Variants in BSG observed in about 807,000 individuals in gnomAD.
BSG encodes basigin (Ok blood group).
A neutral mutation model predicts 43.1 loss-of-function variants in BSG; 37 were observed. The ratio of observed to expected loss-of-function variants is 0.86; its 90% confidence interval spans 0.66 to 1.13. The LOEUF (loss-of-function observed/expected upper bound fraction) is 1.13. Ranked by LOEUF, BSG falls within the 50% of genes most tolerant of loss-of-function variation. The probability of loss-of-function intolerance (pLI) is 0.00; values close to 1 mark genes in which losing one functional copy is unlikely to be tolerated. For synonymous variants in BSG, 309 were observed against 238.7 expected, an observed-to-expected ratio of 1.29 and a Z score of -2.72; for missense variants, 599 against 554.2, an observed-to-expected ratio of 1.08 and a Z score of -0.81.
rs377178925 is a variant in BSG, at chr19:578,070, G to C, written c.364G>C (p.Ala122Pro). ...NDPDRNHLTR[A>P]PRVKWVRAQA... ...CCCGGATCGCAACCACCTGACCCGG[G>C]CGCCCAGGGTCAAGTGGGTCCGCGC... is the stretch of plus-strand genomic sequence containing the variant. Residue 122 changes from alanine to proline, a missense_variant, in exon 2 of 9, where the codon GCG becomes CCG. Physicochemically the swap from Ala to Pro is conservative, Grantham distance 27. Coordinates refer to ENST00000333511, the MANE Select transcript of BSG (RefSeq NM_001728.4). 2 of 1,607,912 alleles carry C rather than the reference G, an allele frequency of 1.2e-6. No individual in the cohort carries two copies. Among genetic ancestry groups the C allele is most frequent in the South Asian group, 2.2e-5 (2 of 90,646 alleles).
intron 1 of BSG, 95 bp downstream of exon 1, chr19:572,796 G>A: frequency 7.9e-7 from 1 of 1,267,592 alleles, no homozygotes; most frequent in Non-Finnish European, 1.0e-6. Flanking sequence ...CTGGGGCCTC[G>A]GCGCGGGGCG....
At chr19:579,844 C>G in intron 3 of BSG, 188 bp downstream of exon 3, 1 of 847,828 alleles carries the variant, frequency 1.2e-6, no homozygotes, top group Middle Eastern at 3.7e-4. Flanking sequence ...CCTTGTGAGG[C>G]AGGGGGCTCC....
chr19:579,832 G>T, intron 3 of BSG, 176 bp downstream of exon 3: 1 of 973,068 alleles, frequency 1.0e-6, no homozygotes, highest in Non-Finnish European at 1.5e-6. Flanking sequence ...TCTGAGGGGC[G>T]TCCTTGTGAG....
chr19:575,946 C>T (rs1343584830), intron 1 of BSG, among the ~76,000 whole-genome samples: 1 of 152,130 alleles, frequency 6.6e-6, no homozygotes, highest in Non-Finnish European at 1.5e-5. Context: ...TCCGGACGCC[C>T]CCCCACCCCC....
At chr19:580,585 GGAGGCCGGGGAT>G in intron 4 of BSG, 49 bp from the exon 5 acceptor site, 1 of 1,608,146 alleles carries the variant, frequency 6.2e-7, no homozygotes, top group Non-Finnish European at 8.5e-7. Flanking sequence ...CCCTCCTGCG[GGAGGCCGGGGAT>G]GGGGGCGGGC....
chr19:579,695 C>T, intron 3 of BSG, 39 bp downstream of exon 3: 3 of 1,571,808 alleles, frequency 1.9e-6, no homozygotes, highest in South Asian at 1.2e-5. Context: ...CCTGCCCCTT[C>T]TCACGGCTCT....
At chr19:578,173 G>A (rs778151013) in intron 2 of BSG, 52 bp downstream of exon 2, 16 of 1,447,290 alleles carry the variant, frequency 1.1e-5, no homozygotes, top group Middle Eastern at 1.8e-4. Flanking sequence ...CTCCTGTGCC[G>A]CTCGCCTCCC....
intron 2 of BSG, chr19:579,068 T>C: frequency 2.2e-6 from 1 of 458,092 alleles, no homozygotes; most frequent in Non-Finnish European, 4.4e-6. Context: ...AGAAAAGAAT[T>C]TCCAGTTTGT....
At chr19:571,863 A>G, upstream of BSG, 1 of 475,890 alleles carries the variant, frequency 2.1e-6, no homozygotes, top group Admixed American at 3.6e-5. Context: ...AATAGGGTAA[A>G]CGCGCCACCT....
In BSG at chr19:572,683, C is replaced by A; in HGVS notation, c.49C>A (p.His17Asn). ...VLLGFALLGT[H>N]GASGAAGFVQ... ...GCTGGGATTCGCGCTGCTGGGCACC[C>A]ACGGAGCCTCCGGGGCTGGTGAGGA... Residue 17 changes from histidine to asparagine, a missense_variant, in exon 1 of 9, where the codon CAC becomes AAC. Physicochemically the swap from His to Asn is moderately conservative, Grantham distance 68. Coordinates refer to ENST00000333511, the MANE Select transcript of BSG (RefSeq NM_001728.4). 1 of 1,495,740 alleles carries A rather than the reference C, an allele frequency of 6.7e-7. No homozygotes were observed. The highest frequency in any genetic ancestry group is 8.9e-7 in the Non-Finnish European group (1 of 1,119,196). 92.7% of individuals were successfully genotyped at this position (1,495,740 alleles called of 1,614,324 possible).
At chr19:579,231 G>C (rs1982055750) in intron 2 of BSG, 3 of 570,696 alleles carry the variant, frequency 5.3e-6, no homozygotes, top group African/African-American at 1.8e-5. Flanking sequence ...CCTTAGCCCA[G>C]GGCCCGCCAG....
At chr19:572,821 A>G in intron 1 of BSG, 120 bp downstream of exon 1, 6 of 1,189,462 alleles carry the variant, frequency 5.0e-6, no homozygotes, top group Non-Finnish European at 6.4e-6. Context: ...GGGGTGCGAA[A>G]GGCCGGCCCC....
intron 2 of BSG, chr19:578,829 C>T: frequency 2.8e-6 from 1 of 353,520 alleles, no homozygotes; most frequent in Non-Finnish European, 5.6e-6. Context: ...CTCCCGGGTT[C>T]AAGCGATTCT....
At chr19:574,477 A>T (rs368686315) in intron 1 of BSG, among the ~76,000 whole-genome samples, 3 of 151,664 alleles carry the variant, frequency 2.0e-5, no homozygotes, top group African/African-American at 7.3e-5. Context: ...GGTGTGAACC[A>T]GGGAGGCGGA....
intron 3 of BSG, chr19:580,023 A>T: frequency 4.9e-6 from 2 of 407,724 alleles, no homozygotes; most frequent in Non-Finnish European, 8.9e-6. Context: ...AGACGCTGTC[A>T]TGGCCGGAGC....
chr19:582,253 T>C (rs4919862), intron 6 of BSG, 53 bp from the exon 7 acceptor site: 1,243,889 of 1,600,568 alleles, frequency 0.78, 486,231 homozygotes, highest in African/African-American at 0.96. Flanking sequence ...GTGGGGCCAG[T>C]GCTGACAGGC....
intron 2 of BSG, chr19:578,968 G>T (rs1222338747): frequency 2.2e-6 from 1 of 453,832 alleles, no homozygotes; most frequent in East Asian, 7.0e-5. Flanking sequence ...CCGACCTCGA[G>T]ATCCACCCGC....
At position 582,222 on chromosome 19, in the gene BSG, A is replaced by G; in HGVS notation, c.1070-84A>G. 2 of 1,565,602 alleles carry G rather than the reference A, an allele frequency of 1.3e-6. 1 individual carries two copies. The highest frequency in any genetic ancestry group is 3.4e-4 in the Middle Eastern group (2 of 5,908). On this transcript the variant is annotated intron_variant, in intron 6 of 8. Coordinates refer to ENST00000333511, the MANE Select transcript of BSG (RefSeq NM_001728.4). ...ACTGAGGGCAGGGCTGGCAGCACAGATGCCCCTGCTCGGGGCCTGAGTGGG... is the reference window on the plus strand; with the variant it reads ...ACTGAGGGCAGGGCTGGCAGCACAGGTGCCCCTGCTCGGGGCCTGAGTGGG...
At chr19:571,661 C>G (rs940644205), upstream of BSG, 14 of 766,796 alleles carry the variant, frequency 1.8e-5, no homozygotes, top group African/African-American at 2.1e-4. Context: ...AAAGAGAAAC[C>G]AGCACTTAGA....
Sources: gnomAD v4.1 joint callset for allele counts (sites outside exome capture counted in the v4.1 genomes callset) on GRCh38, gnomAD v4.1.1 for gene constraint, MANE v1.5 for transcripts, NCBI Gene and HGNC (gene_info 2026-07-23, HGNC 2026-07-21) for gene names.